CACNA1B: variants seen among roughly 807,000 people sequenced by gnomAD.
The protein encoded by CACNA1B is calcium voltage-gated channel subunit alpha1 B.
A neutral mutation model predicts 247.2 loss-of-function variants in CACNA1B; 70 were observed. That is an observed-to-expected ratio of 0.28 (90% CI 0.23 to 0.35). CACNA1B has a LOEUF of 0.35. CACNA1B is among the 10% of genes least tolerant of loss of function. The pLI, the probability that CACNA1B is intolerant of heterozygous loss-of-function variation, is 1.00. For missense variants in CACNA1B, 2,367 were observed against 3,197.4 expected (o/e 0.74, Z 6.26); for synonymous variants, 1,231 against 1,294.4 (o/e 0.95, Z 1.05).
intron 39 of CACNA1B, among the ~76,000 whole-genome samples, chr9:138,106,835 A>G (rs1428254421): frequency 6.6e-6 from 1 of 152,098 alleles, no homozygotes; most frequent in Non-Finnish European, 1.5e-5. Flanking sequence ...CCTGCTCTTG[A>G]GAGGTTGTCT....
rs887150947 is a variant in CACNA1B, at chr9:138,011,171, G to T, written c.2160+1094G>T. ...TGTCTTCAGCTGGGCCGCTTGGGTTGGGGGAGCCCAAGCCCCCACAGAGCT... is the reference window on the plus strand; with the variant it reads ...TGTCTTCAGCTGGGCCGCTTGGGTTTGGGGAGCCCAAGCCCCCACAGAGCT... On this transcript the variant is annotated intron_variant, in intron 17 of 46. Coordinates refer to ENST00000371372, the MANE Select transcript of CACNA1B (RefSeq NM_000718.4). This position sits in a 1 kb window ranked among gnomAD's most constrained non-coding sequence, Gnocchi z 4.2. 6.6e-6 allele frequency among the ~76,000 whole-genome samples: 1 copy of T among 152,184 alleles called. No homozygotes were observed. Among genetic ancestry groups the T allele is most frequent in the African/African-American group, 2.4e-5 (1 of 41,448 alleles).
intron 20 of CACNA1B, among the ~76,000 whole-genome samples, chr9:138,033,657 T>G (rs1959010285): frequency 6.6e-6 from 1 of 152,196 alleles, no homozygotes. Flanking sequence ...AGTTTCACAT[T>G]GCTGAGGAGG....
rs1428481509 is a variant in CACNA1B at position 137,954,623 on chromosome 9, G to T, written c.1071-1075G>T. On this transcript the variant is annotated intron_variant, in intron 7 of 46. Transcript: ENST00000371372. This position sits in a 1 kb window ranked among gnomAD's most constrained non-coding sequence, Gnocchi z 4.1. ...GGCCACAGGGATTGGTCTGGGTGGG[G>T]AGGCCACAGTGGACCCTGCCTTCCT... Among the ~76,000 whole-genome samples the T allele has an allele frequency of 6.6e-6, 1 of 152,192 alleles. No individual in the cohort carries two copies. The highest frequency in any genetic ancestry group is 2.4e-5 in the African/African-American group (1 of 41,446).
intron 20 of CACNA1B, among the ~76,000 whole-genome samples, chr9:138,042,483 A>G (rs910650633): frequency 6.6e-6 from 1 of 152,252 alleles, no homozygotes; most frequent in African/African-American, 2.4e-5. Context: ...AACTTGCAAC[A>G]AAACTTTTGG....
In CACNA1B at chr9:137,917,583, T is replaced by A. The variant is rs1957426322; in HGVS notation, c.966+152T>A. Reference sequence around the variant, plus strand: ...CACCCCTAGGATGAAATGCAGGCTCTTTCCGGCAGACGCCCCACCCAAGGG... The same window carrying A: ...CACCCCTAGGATGAAATGCAGGCTCATTCCGGCAGACGCCCCACCCAAGGG... On this transcript the variant is annotated intron_variant, in intron 6 of 46. Coordinates refer to ENST00000371372, the MANE Select transcript of CACNA1B (RefSeq NM_000718.4). This position sits in a 1 kb window ranked among gnomAD's most constrained non-coding sequence, Gnocchi z 5.5. Among the ~76,000 whole-genome samples the A allele has an allele frequency of 6.6e-6, 1 of 152,194 alleles. No individual in the cohort carries two copies. Among genetic ancestry groups the A allele is most frequent in the Admixed American group, 6.5e-5 (1 of 15,288 alleles).
chr9:138,099,742 G>A (rs553005580), intron 37 of CACNA1B, among the ~76,000 whole-genome samples: 6 of 152,176 alleles, frequency 3.9e-5, no homozygotes, highest in South Asian at 2.1e-4. Flanking sequence ...CCTGTGGTGC[G>A]CATGTGCCTG....
At chr9:138,047,165 T>C in intron 22 of CACNA1B, 132 bp downstream of exon 22, 1 of 904,276 alleles carries the variant, frequency 1.1e-6, no homozygotes, top group Non-Finnish European at 1.7e-6. Flanking sequence ...CCTCTGTCTG[T>C]GTGCCTGGCA....
chr9:138,034,218 A>C (rs954731300), intron 20 of CACNA1B, among the ~76,000 whole-genome samples: 3 of 152,124 alleles, frequency 2.0e-5, no homozygotes, highest in Admixed American at 6.6e-5. Context: ...GAGTAAGAGG[A>C]AGAGATTGTC....
chr9:138,000,982 T>G (rs1430754960), intron 15 of CACNA1B, among the ~76,000 whole-genome samples: 1 of 152,124 alleles, frequency 6.6e-6, no homozygotes, highest in African/African-American at 2.4e-5. Context: ...AAAAATATGC[T>G]TTTTACAGTC....
chr9:137,917,046 C>G lies in CACNA1B; in HGVS notation c.776-195C>G, dbSNP rs770576402. On this transcript the variant is annotated intron_variant, in intron 5 of 46. Transcript: ENST00000371372. This position sits in a 1 kb window ranked among gnomAD's most constrained non-coding sequence, Gnocchi z 5.5. ...GCCGTTACTCCCTGAGTTGGTCACT[C>G]GTGAGCTCGGGGTCAGCAAGAGGCG... Among the ~76,000 whole-genome samples, 2 of 152,042 alleles carry G rather than the reference C, an allele frequency of 1.3e-5. No individual in the cohort carries two copies. Among genetic ancestry groups the G allele is most frequent in the Non-Finnish European group, 2.9e-5 (2 of 67,998 alleles).
chr9:138,007,003 C>T lies in CACNA1B; in HGVS notation c.2092+119C>T. ...GCCGTGGACGTGAGAGGTGCATTCT[C>T]AGAGCTGAGTGCAGATGGAGAACAT... On this transcript the variant is annotated intron_variant, in intron 16 of 46. Coordinates refer to ENST00000371372, the MANE Select transcript of CACNA1B (RefSeq NM_000718.4). The surrounding 1 kb of genome is among the most constrained non-coding windows in gnomAD (Gnocchi z 4.1). 1 of 649,646 alleles carries T rather than the reference C, an allele frequency of 1.5e-6. No individual in the cohort carries two copies. Among genetic ancestry groups the T allele is most frequent in the Non-Finnish European group, 2.8e-6 (1 of 351,496 alleles). 40.2% of individuals were successfully genotyped at this position (649,646 alleles called of 1,614,324 possible).
At chr9:138,055,853 T>G (rs960086344) in intron 26 of CACNA1B, among the ~76,000 whole-genome samples, 2 of 152,092 alleles carry the variant, frequency 1.3e-5, no homozygotes, top group Non-Finnish European at 2.9e-5. Flanking sequence ...AGTGAAACCC[T>G]GTCTCTACTA....
In CACNA1B at chr9:138,058,524, A is replaced by G; in HGVS notation, c.4309-45A>G. The G allele has an allele frequency of 1.3e-6, 2 of 1,559,124 alleles. No individual in the cohort carries two copies. The highest frequency in any genetic ancestry group is 1.7e-4 in the Middle Eastern group (1 of 5,852). ...CTGGGTGCAGTAGATGCCGTCGGGT[A>G]GGTTTTCTGCTTCTGAGTCTCTGTG... On this transcript the variant is annotated intron_variant, in intron 28 of 46. Transcript: ENST00000371372. This position sits in a 1 kb window ranked among gnomAD's most constrained non-coding sequence, Gnocchi z 4.7.
intron 3 of CACNA1B, among the ~76,000 whole-genome samples, chr9:137,884,961 C>G (rs867456350): frequency 9.2e-6 from 1 of 108,674 alleles, no homozygotes; most frequent in Non-Finnish European, 2.1e-5. Context: ...CCCTCTTCCC[C>G]CCCCCCCTCC....
chr9:137,997,791 G>T (rs985384397), intron 15 of CACNA1B, among the ~76,000 whole-genome samples: 1 of 152,186 alleles, frequency 6.6e-6, no homozygotes, highest in Non-Finnish European at 1.5e-5. Flanking sequence ...AGCAGTTCCT[G>T]CCAGGTATAG....
intron 38 of CACNA1B, among the ~76,000 whole-genome samples, chr9:138,104,967 C>A (rs1205375513): frequency 1.3e-5 from 2 of 152,258 alleles, no homozygotes; most frequent in East Asian, 3.8e-4. Flanking sequence ...AACAGGCTGT[C>A]CACCTGAGAG....
intron 38 of CACNA1B, among the ~76,000 whole-genome samples, chr9:138,104,193 C>A (rs948885582): frequency 6.6e-6 from 1 of 152,216 alleles, no homozygotes; most frequent in African/African-American, 2.4e-5. Context: ...CCTTGGAGGG[C>A]CCAGGGCAGA....
chr9:137,945,642 C>T (rs1188859921), intron 6 of CACNA1B, among the ~76,000 whole-genome samples: 1 of 152,232 alleles, frequency 6.6e-6, no homozygotes, highest in Non-Finnish European at 1.5e-5. Context: ...AAGCCTACAA[C>T]TTGTTCAAAC....
chr9:137,880,468 G>A lies in CACNA1B; in HGVS notation c.390+1309G>A, dbSNP rs1956902099. Among the ~76,000 whole-genome samples, 1 of 151,954 alleles carries A rather than the reference G, an allele frequency of 6.6e-6. No individual in the cohort carries two copies. The highest frequency in any genetic ancestry group is 6.6e-5 in the Admixed American group (1 of 15,266). The stretch of plus-strand genomic sequence containing the variant: ...AGCCTTGAATGCCAAGTCACAGGAA[G>A]GAGGGCAGGGCCAGGGTCAGAGGGA... On this transcript the variant is annotated intron_variant, in intron 2 of 46. Coordinates refer to ENST00000371372, the MANE Select transcript of CACNA1B (RefSeq NM_000718.4). The surrounding 1 kb of genome is among the most constrained non-coding windows in gnomAD (Gnocchi z 4.8).
Sources: gnomAD v4.1 joint callset for allele counts (sites outside exome capture counted in the v4.1 genomes callset) on GRCh38, gnomAD v4.1.1 for gene constraint, Gnocchi (gnomAD v3.1) non-coding constraint, MANE v1.5 for transcripts, NCBI Gene and HGNC (gene_info 2026-07-23, HGNC 2026-07-21) for gene names.